The following CHRNA2 variants were observed in gnomAD, a reference collection of about 807,000 sequenced individuals.
CHRNA2 encodes the protein neuronal acetylcholine receptor subunit alpha-2.
In CHRNA2, 40 loss-of-function variants were observed where a neutral mutation model predicts 45.5. The observed-to-expected ratio is 0.88, with a 90% CI of 0.68 to 1.15. The LOEUF (loss-of-function observed/expected upper bound fraction) is 1.15, where lower values mean the gene tolerates loss of function less well. Among genes scored for constraint, CHRNA2 ranks in the 50% most tolerant of loss-of-function variants. The pLI, the probability that CHRNA2 is intolerant of heterozygous loss-of-function variation, is 0.00. For synonymous variants in CHRNA2, 301 were observed against 296.7 expected (o/e 1.01, Z -0.15); for missense variants, 655 against 701.7 (o/e 0.93, Z 0.75).
At chr8:27,472,005 A>C (rs969033064) in intron 1 of CHRNA2, among the ~76,000 whole-genome samples, 2 of 152,170 alleles carry the variant, frequency 1.3e-5, no homozygotes, top group African/African-American at 4.8e-5. Flanking sequence ...GGATTAATCA[A>C]TCGTGCTGCA....
In CHRNA2 at chr8:27,469,356, G is replaced by A; in HGVS notation, c.318C>T (p.Thr106=). The A allele has an allele frequency of 6.4e-7, 1 of 1,557,128 alleles. No individual in the cohort carries two copies. The highest frequency in any genetic ancestry group is 8.7e-7 in the Non-Finnish European group (1 of 1,149,716). Residue 106 remains threonine (T), a synonymous_variant, in exon 4 of 7, where the codon ACC becomes ACT. Transcript: ENST00000407991. The part of the protein sequence containing the change: ...IDVDEKNQMM[T]TNVWLKQEWS... ...TCACCTGTTTTAGCCAGACGTTGGT[G>A]GTCATCATTTGGTTCTTCTCATCCT... is the stretch of plus-strand genomic sequence containing the variant.
intron 5 of CHRNA2, among the ~76,000 whole-genome samples, chr8:27,465,855 A>G (rs771181825): frequency 5.3e-5 from 8 of 152,238 alleles, no homozygotes; most frequent in Non-Finnish European, 4.4e-5. Context: ...TGAGTGGGGT[A>G]TCTGGGTGGA....
At chr8:27,473,217 A>G (rs1299198735) in intron 1 of CHRNA2, among the ~76,000 whole-genome samples, 1 of 152,138 alleles carries the variant, frequency 6.6e-6, no homozygotes, top group African/African-American at 2.4e-5. Context: ...TAGGGAGATA[A>G]CAAAGGCTCT....
At position 27,463,870 on chromosome 8, in the gene CHRNA2, G is replaced by A; in HGVS notation, c.573C>T (p.Pro191=). 1.9e-6 allele frequency: 3 copies of A among 1,614,226 alleles called. No individual in the cohort carries two copies. Among genetic ancestry groups the A allele is most frequent in the South Asian group, 2.2e-5 (2 of 91,084 alleles). Residue 191 remains proline (P), a synonymous_variant, in exon 6 of 7, where the codon CCC becomes CCT. Transcript: ENST00000407991. This position sits in a 1 kb window ranked among gnomAD's most constrained non-coding sequence, Gnocchi z 6.1. ...TCATCTTGCAGTTCTGCTGGTCGAA[G>A]GGGAAGAAGGTGACGTCGATGCTGC... ...SSCSIDVTFF[P]FDQQNCKMKF...
In CHRNA2 at chr8:27,470,986, C is replaced by G. The variant is rs1064796550; in HGVS notation, c.73G>C (p.Gly25Arg). ...SLWWLLLTPA[G>R]GEEAKRPPPR... ...ACAATGACAGGTGACAAACACTCAC[C>G]TGCTGGGGTCAGAAGGAGCCACCAC... is the stretch of plus-strand genomic sequence containing the variant. Residue 25 changes from glycine (G) to arginine (R), a missense_variant and splice_region_variant, in exon 2 of 7, where the codon GGT becomes CGT. Physicochemically the swap from Gly to Arg is moderately radical, Grantham distance 125 (BLOSUM62 -2). This residue lies in a region of CHRNA2 where 323 missense variants were observed against 354.4 expected (regional missense o/e 0.91). Coordinates refer to ENST00000407991, the MANE Select transcript of CHRNA2 (RefSeq NM_000742.4). 9 of 1,613,962 alleles carry G rather than the reference C, an allele frequency of 5.6e-6. No individual in the cohort carries two copies. The highest frequency in any genetic ancestry group is 1.3e-5 in the African/African-American group (1 of 74,930).
intron 6 of CHRNA2, among the ~76,000 whole-genome samples, chr8:27,462,092 C>T (rs776884975): frequency 1.3e-5 from 2 of 152,228 alleles, no homozygotes; most frequent in African/African-American, 2.4e-5. Context: ...TCTAGGGGGC[C>T]TGCAGTGACT....
At chr8:27,474,207 A>G (rs1381581140) in intron 1 of CHRNA2, among the ~76,000 whole-genome samples, 1 of 152,012 alleles carries the variant, frequency 6.6e-6, no homozygotes, top group Admixed American at 6.6e-5. Context: ...GAGAAGAGGA[A>G]TGTGGGAAGG....
chr8:27,467,119 C>T (rs1016795956), intron 5 of CHRNA2, 110 bp downstream of exon 5: 26 of 766,480 alleles, frequency 3.4e-5, no homozygotes, highest in Non-Finnish European at 4.5e-5. Context: ...GCACAGCAGT[C>T]GAGAAGGAGG....
At chr8:27,464,111 G>T in intron 5 of CHRNA2, 118 bp from the exon 6 acceptor site, 1 of 1,187,542 alleles carries the variant, frequency 8.4e-7, no homozygotes, top group Non-Finnish European at 1.2e-6. Context: ...CCACACTGGC[G>T]GGGTTTATTT....
intron 3 of CHRNA2, 91 bp from the exon 4 acceptor site, chr8:27,469,470 T>A (rs766272313): frequency 2.2e-6 from 3 of 1,360,942 alleles, no homozygotes; most frequent in Non-Finnish European, 3.1e-6. Flanking sequence ...TCAGACCCTC[T>A]GATAGGACAC....
intron 4 of CHRNA2, among the ~76,000 whole-genome samples, chr8:27,467,868 T>C (rs762737207): frequency 6.6e-6 from 1 of 152,064 alleles, no homozygotes. Flanking sequence ...ACCTTCAAAC[T>C]GCACTCTCAA....
At chr8:27,472,125 C>T (rs2565049) in intron 1 of CHRNA2, among the ~76,000 whole-genome samples, 30,621 of 152,082 alleles carry the variant, frequency 0.2, 3,738 homozygotes, top group East Asian at 0.43. Flanking sequence ...ATGGAAGCTC[C>T]GTGCCCCTTC....
At position 27,471,031 on chromosome 8, in the gene CHRNA2, A is replaced by C. The variant is rs753978091; in HGVS notation, c.28T>G (p.Ser10Ala). 3.1e-6 allele frequency: 5 copies of C among 1,614,124 alleles called. No homozygotes were observed. In the South Asian group the frequency reaches 5.5e-5, roughly 18 times the overall value. ...CACCACAGGCTGAGCTTTGTGAAGG[A>C]CAGGAACACAGGACAGGAGGGGCCC... MGPSCPVFL[S>A]FTKLSLWWLL... Residue 10 changes from serine (S) to alanine (A), a missense_variant, in exon 2 of 7, where the codon TCC (serine) becomes GCC (alanine). Physicochemically the swap from Ser to Ala is moderately conservative, Grantham distance 99. Around this residue, in one of 3 missense-constraint regions of CHRNA2, gnomAD observed 323 missense variants for 354.4 expected, o/e 0.91. Transcript: ENST00000407991.
At chr8:27,470,940 A>G (rs1248740260) in intron 2 of CHRNA2, 46 bp downstream of exon 2, 2 of 1,591,714 alleles carry the variant, frequency 1.3e-6, no homozygotes, top group Admixed American at 3.3e-5. Flanking sequence ...TTGTGAGCCC[A>G]CAGGCATGAG....
Position 27,463,888 on chromosome 8 carries a change from G to C in CHRNA2, c.555C>G (p.Ile185Met). 6.2e-7 allele frequency: 1 copy of C among 1,614,192 alleles called. No individual in the cohort carries two copies. Among genetic ancestry groups the C allele is most frequent in the Non-Finnish European group, 8.5e-7 (1 of 1,180,050 alleles). ...GGTCGAAGGGGAAGAAGGTGACGTC[G>C]ATGCTGCAGGAGCTCTTGTAGATGG... ...PPAIYKSSCSIDVTFFPFDQQ... is the reference protein window; with the variant it reads ...PPAIYKSSCSMDVTFFPFDQQ... Residue 185 changes from isoleucine (I) to methionine (M), a missense_variant, in exon 6 of 7, where the codon ATC (isoleucine) becomes ATG (methionine). Ile to Met is a conservative substitution (Grantham distance 10). This residue lies in a region of CHRNA2 where 323 missense variants were observed against 354.4 expected (regional missense o/e 0.91). Transcript: ENST00000407991. This position sits in a 1 kb window ranked among gnomAD's most constrained non-coding sequence, Gnocchi z 6.1.
chr8:27,472,525 G>A (rs1238652238), intron 1 of CHRNA2, among the ~76,000 whole-genome samples: 4 of 152,136 alleles, frequency 2.6e-5, no homozygotes, highest in Non-Finnish European at 5.9e-5. Flanking sequence ...ATTGTTGTGG[G>A]GTGAGAGCAG....
rs377015162 is a variant in CHRNA2, at chr8:27,462,959, C to T, written c.1464+20G>A. 1.0e-4 allele frequency: 168 copies of T among 1,613,804 alleles called. No homozygotes were observed. The highest frequency in any genetic ancestry group is 3.9e-4 in the African/African-American group (29 of 74,950). On this transcript the variant is annotated intron_variant, in intron 6 of 6. Transcript: ENST00000407991. ...TTGGTGGGGCCACCCAGGCTGGCGCCTCTCCCAACCCCAACGCACCGAAGA... is the reference window on the plus strand; with the variant it reads ...TTGGTGGGGCCACCCAGGCTGGCGCTTCTCCCAACCCCAACGCACCGAAGA...
intron 4 of CHRNA2, 165 bp from the exon 5 acceptor site, chr8:27,467,503 G>C (rs574300545): frequency 3.3e-6 from 2 of 610,200 alleles, no homozygotes; most frequent in South Asian, 1.9e-5. Flanking sequence ...TGCTGGGAAC[G>C]GGCTCTGAGC....
chr8:27,461,616 G>C lies in CHRNA2; in HGVS notation c.*13C>G. ...GCGGGGGTGCCCTGGGAGCCAGCTC[G>C]AGGGAGGTGCAGTCAGATCATTCCA... On this transcript the variant is annotated 3_prime_UTR_variant, in exon 7 of 7. Transcript: ENST00000407991. 1 of 1,614,192 alleles carries C rather than the reference G, an allele frequency of 6.2e-7. No homozygotes were observed. The highest frequency in any genetic ancestry group is 8.5e-7 in the Non-Finnish European group (1 of 1,179,992).
Sources: allele counts gnomAD v4.1 joint callset (sites outside exome capture counted in the v4.1 genomes callset), GRCh38; gene constraint gnomAD v4.1.1; regional missense constraint gnomAD v4.1.1; non-coding constraint Gnocchi (gnomAD v3.1); transcripts MANE v1.5; gene names NCBI Gene and HGNC (gene_info 2026-07-23, HGNC 2026-07-21).